The following MTX2 variants were observed in gnomAD, a reference collection of about 807,000 sequenced individuals.
MTX2 encodes the protein metaxin 2.
A neutral mutation model predicts 42.3 loss-of-function variants in MTX2; 35 were observed. That is an observed-to-expected ratio of 0.83 (90% confidence interval 0.63 to 1.10). MTX2 has a LOEUF of 1.10. MTX2 is among the 50% of genes least tolerant of loss of function. The pLI is 0.00. For synonymous variants in MTX2, 119 were observed against 100.9 expected (o/e 1.18, Z -1.08); for missense variants, 307 against 304.1 (o/e 1.01, Z -0.07).
chr2:176,294,715 T>C (rs1683811326), intron 1 of MTX2, among the ~76,000 whole-genome samples: 1 of 152,250 alleles, frequency 6.6e-6, no homozygotes, highest in Admixed American at 6.5e-5. Flanking sequence ...TTAATGCTAG[T>C]GTATGTAAAG....
intron 3 of MTX2, among the ~76,000 whole-genome samples, chr2:176,321,610 T>C (rs1405742682): frequency 6.6e-6 from 1 of 152,166 alleles, no homozygotes; most frequent in Non-Finnish European, 1.5e-5. Context: ...TGCTACTTCA[T>C]GGTTCTGTTT....
At chr2:176,332,104 G>T (rs1044418415) in intron 9 of MTX2, among the ~76,000 whole-genome samples, 6 of 151,012 alleles carry the variant, frequency 4.0e-5, no homozygotes, top group African/African-American at 1.5e-4. Flanking sequence ...TTGCTTTTGA[G>T]GAACTATTTA....
At chr2:176,307,535 G>A (rs2105423614) in intron 3 of MTX2, among the ~76,000 whole-genome samples, 1 of 152,284 alleles carries the variant, frequency 6.6e-6, no homozygotes, top group Middle Eastern at 3.4e-3. Context: ...CTATCCATGA[G>A]CATGGAATGT....
At chr2:176,312,010 G>A (rs1455524917) in intron 3 of MTX2, among the ~76,000 whole-genome samples, 1 of 152,182 alleles carries the variant, frequency 6.6e-6, no homozygotes, top group East Asian at 1.9e-4. Context: ...GCAGACTGGA[G>A]CCATTCCTGT....
chr2:176,292,465 G>C (rs1414614085), intron 1 of MTX2, among the ~76,000 whole-genome samples: 1 of 152,186 alleles, frequency 6.6e-6, no homozygotes, highest in Non-Finnish European at 1.5e-5. Flanking sequence ...GGAGCAAGGG[G>C]TGATTACTGA....
At chr2:176,319,983 T>C (rs920529023) in intron 3 of MTX2, among the ~76,000 whole-genome samples, 7 of 152,186 alleles carry the variant, frequency 4.6e-5, no homozygotes, top group African/African-American at 1.7e-4. Context: ...TGGCCTGTTT[T>C]TGCATTTTTA....
intron 1 of MTX2, among the ~76,000 whole-genome samples, chr2:176,280,153 CT>C (rs1379622895): frequency 6.6e-6 from 1 of 152,042 alleles, no homozygotes; most frequent in Non-Finnish European, 1.5e-5. Flanking sequence ...ATCCTGGGGA[CT>C]AGAGGCCAGG....
At chr2:176,269,711 C>T (rs890439791) in intron 1 of MTX2, 42 bp downstream of exon 1, 7 of 1,570,414 alleles carry the variant, frequency 4.5e-6, no homozygotes, top group Non-Finnish European at 8.6e-7. Flanking sequence ...GCGGCGCGGT[C>T]TCGGGGAGCC....
chr2:176,307,065 A>G (rs1007891101), intron 3 of MTX2, among the ~76,000 whole-genome samples: 3 of 152,196 alleles, frequency 2.0e-5, no homozygotes, highest in Non-Finnish European at 4.4e-5. Flanking sequence ...TCTTTAATGC[A>G]TCTTGAATTA....
intron 3 of MTX2, among the ~76,000 whole-genome samples, chr2:176,313,150 A>C (rs1441527662): frequency 6.6e-6 from 1 of 151,808 alleles, no homozygotes; most frequent in Non-Finnish European, 1.5e-5. Context: ...ATTATTATGA[A>C]TGTTGTTACT....
intron 7 of MTX2, 107 bp from the exon 8 acceptor site, chr2:176,329,194 G>T: frequency 7.8e-7 from 1 of 1,277,778 alleles, no homozygotes; most frequent in Non-Finnish European, 1.1e-6. Flanking sequence ...TTTTCAGATT[G>T]CTCTATTTAT....
Position 176,269,640 on chromosome 2 carries a change from T to C in MTX2, c.11T>C (p.Val4Ala). Residue 4 changes from valine to alanine, a missense_variant, in exon 1 of 10, where the codon GTG becomes GCG. By Grantham distance (64) the Val-to-Ala change is moderately conservative (BLOSUM62 0). Coordinates refer to ENST00000249442, the MANE Select transcript of MTX2 (RefSeq NM_006554.5). ...GGCCTCCCAGCCGACATGTCTCTAG[T>C]GGCGGAAGCCTTCGTCTCCCAGATT... is the stretch of plus-strand genomic sequence containing the variant. MSL[V>A]AEAFVSQIAA... is the part of the protein sequence containing the mutation. The C allele has an allele frequency of 6.3e-7, 1 of 1,597,084 alleles. No homozygotes were observed. The highest frequency in any genetic ancestry group is 2.3e-5 in the East Asian group (1 of 44,128).
chr2:176,329,252 C>A, intron 7 of MTX2, 49 bp from the exon 8 acceptor site: 1 of 1,527,672 alleles, frequency 6.5e-7, no homozygotes, highest in Non-Finnish European at 8.8e-7. Flanking sequence ...TAAAAACGGG[C>A]ATTGTTTTTA....
chr2:176,293,627 T>TC (rs530002596), intron 1 of MTX2, among the ~76,000 whole-genome samples: 172 of 152,110 alleles, frequency 1.1e-3, no homozygotes, highest in African/African-American at 4.0e-3. Context: ...TGACACCTGC[T>TC]CCCCCCTTTG....
intron 8 of MTX2, 131 bp downstream of exon 8, chr2:176,329,557 C>T (rs1575062232): frequency 2.1e-6 from 2 of 939,560 alleles, no homozygotes; most frequent in East Asian, 6.0e-5. Flanking sequence ...TTTTCACTAA[C>T]ATGAAGTAAT....
At chr2:176,285,437 T>TC (rs1693175652) in intron 1 of MTX2, among the ~76,000 whole-genome samples, 1 of 144,216 alleles carries the variant, frequency 6.9e-6, no homozygotes, top group Non-Finnish European at 1.5e-5. Context: ...TTTTTTTTTT[T>TC]AGTTTTCCAC....
At chr2:176,294,194 G>GT (rs1431168300) in intron 1 of MTX2, among the ~76,000 whole-genome samples, 1 of 151,348 alleles carries the variant, frequency 6.6e-6, no homozygotes, top group African/African-American at 2.4e-5. Context: ...TTGCAGTGAA[G>GT]TAATATGTTG....
At chr2:176,302,745 A>G (rs1399981930) in intron 3 of MTX2, among the ~76,000 whole-genome samples, 1 of 152,134 alleles carries the variant, frequency 6.6e-6, no homozygotes, top group Non-Finnish European at 1.5e-5. Context: ...ACCAAAAGTC[A>G]GCATTTTTAT....
At position 176,328,876 on chromosome 2, in the gene MTX2, G is replaced by A. The variant is rs1684784863; in HGVS notation, c.381G>A (p.Leu127=). 1.2e-6 allele frequency: 2 copies of A among 1,606,438 alleles called. No homozygotes were observed. Among genetic ancestry groups the A allele is most frequent in the Non-Finnish European group, 1.7e-6 (2 of 1,174,900 alleles). ...AGTGACTGTTCTTTTGTTCCTAGCT[G>A]TATCTTCAGTGGTGTGATGAAGCTA... ...LVNNMLLTAE[L]YLQWCDEATV... is the part of the protein sequence containing the mutation. Residue 127 remains leucine (L), a splice_region_variant and synonymous_variant, in exon 7 of 10, where the codon CTG becomes CTA. Coordinates refer to ENST00000249442, the MANE Select transcript of MTX2 (RefSeq NM_006554.5).
Sources: allele counts gnomAD v4.1 joint callset (sites outside exome capture counted in the v4.1 genomes callset), GRCh38; gene constraint gnomAD v4.1.1; transcripts MANE v1.5; gene names NCBI Gene and HGNC (gene_info 2026-07-23, HGNC 2026-07-21).